Variants in ATG7 observed in about 807,000 individuals in gnomAD.
The protein encoded by ATG7 is autophagy related 7.
A neutral mutation model predicts 82.4 loss-of-function variants in ATG7; 70 were observed. The observed-to-expected ratio is 0.85, with a 90% CI of 0.70 to 1.04. ATG7 has a LOEUF of 1.04. Ranked by LOEUF, ATG7 falls within the 50% of genes least tolerant of loss-of-function variation. The pLI is 0.00. For synonymous variants in ATG7, 287 were observed against 313.0 expected, an observed-to-expected ratio of 0.92 and a Z score of 0.88; for missense variants, 792 against 864.3, an observed-to-expected ratio of 0.92 and a Z score of 1.05.
chr3:11,355,299 T>C (rs952157124), intron 14 of ATG7, among the ~76,000 whole-genome samples: 1 of 152,140 alleles, frequency 6.6e-6, no homozygotes, highest in Non-Finnish European at 1.5e-5. Context: ...CTATAAAGTT[T>C]CGAGGGGAAA....
chr3:11,298,454 C>T (rs528680488), intron 3 of ATG7, among the ~76,000 whole-genome samples: 99 of 152,242 alleles, frequency 6.5e-4, no homozygotes, highest in Non-Finnish European at 1.3e-3. Flanking sequence ...TGTTTCACAA[C>T]GTTGTGATTA....
At chr3:11,464,220 A>G (rs1432987152) in intron 20 of ATG7, among the ~76,000 whole-genome samples, 1 of 152,148 alleles carries the variant, frequency 6.6e-6, no homozygotes, top group East Asian at 1.9e-4. Context: ...AAAAATACAA[A>G]AATTGGCCAG....
chr3:11,456,019 A>G (rs188436853), intron 20 of ATG7, among the ~76,000 whole-genome samples: 98 of 152,242 alleles, frequency 6.4e-4, no homozygotes, highest in African/African-American at 2.2e-3. Flanking sequence ...CACTCTTCAA[A>G]AATATACAGT....
At chr3:11,372,051 C>T (rs1351998068) in intron 18 of ATG7, among the ~76,000 whole-genome samples, 2 of 151,374 alleles carry the variant, frequency 1.3e-5, no homozygotes, top group African/African-American at 2.4e-5. Context: ...TTTTCATTCC[C>T]CACGGTGAGG....
chr3:11,280,311 A>G (rs1175966796), intron 1 of ATG7, among the ~76,000 whole-genome samples: 6 of 152,144 alleles, frequency 3.9e-5, no homozygotes, highest in African/African-American at 1.2e-4. Context: ...AGTGTCTCCT[A>G]TGGGCCAGAT....
intron 20 of ATG7, among the ~76,000 whole-genome samples, chr3:11,480,701 T>C (rs961516913): frequency 1.3e-5 from 2 of 152,208 alleles, no homozygotes; most frequent in African/African-American, 4.8e-5. Context: ...AAAGCTTTGC[T>C]CACAAGGACT....
chr3:11,514,356 T>G (rs1470994659), intron 20 of ATG7, among the ~76,000 whole-genome samples: 1 of 152,226 alleles, frequency 6.6e-6, no homozygotes, highest in African/African-American at 2.4e-5. Context: ...TTGCAATTCA[T>G]TTTCTTGGGA....
intron 19 of ATG7, among the ~76,000 whole-genome samples, chr3:11,395,484 A>AAG (rs1308150679): frequency 6.6e-6 from 1 of 152,224 alleles, no homozygotes; most frequent in Non-Finnish European, 1.5e-5. Context: ...GACATCTTAA[A>AAG]AGCAGTGGGG....
intron 19 of ATG7, among the ~76,000 whole-genome samples, chr3:11,417,513 G>A (rs2152926243): frequency 6.6e-6 from 1 of 152,056 alleles, no homozygotes; most frequent in African/African-American, 2.4e-5. Flanking sequence ...ATTAGTGTTA[G>A]CATGGCGTAT....
intron 20 of ATG7, among the ~76,000 whole-genome samples, chr3:11,535,064 C>G (rs2124997012): frequency 1.3e-5 from 2 of 152,400 alleles, no homozygotes; most frequent in South Asian, 4.1e-4. Flanking sequence ...GGGTCACCTC[C>G]TCAGGAAATC....
intron 20 of ATG7, among the ~76,000 whole-genome samples, chr3:11,548,329 A>G (rs974866366): frequency 5.9e-5 from 9 of 152,138 alleles, no homozygotes; most frequent in African/African-American, 2.2e-4. Flanking sequence ...ATTTTCTCTC[A>G]TTCTGTGGCT....
chr3:11,468,843 A>G (rs2087109195), intron 20 of ATG7, among the ~76,000 whole-genome samples: 1 of 152,222 alleles, frequency 6.6e-6, no homozygotes, highest in Non-Finnish European at 1.5e-5. Context: ...TTTGGTCTAA[A>G]ATAGATTTGG....
Position 11,358,336 on chromosome 3 carries a change from C to A in ATG7, c.1285-82C>A, listed in dbSNP as rs116008561. ...TCATGTATGTGAACACAAGTAAGTG[C>A]AGGCAGCTGTGGGAAGTGTGGGCTC... On this transcript the variant is annotated intron_variant, in intron 14 of 20. Coordinates refer to ENST00000693202, the MANE Select transcript of ATG7 (RefSeq NM_001349232.2). 9.8e-4 allele frequency: 1,357 copies of A among 1,379,620 alleles called. 17 individuals are homozygous for A. The African/African-American group carries it at 0.017, about 17-fold the overall frequency. 85.5% of individuals were successfully genotyped at this position (1,379,620 alleles called of 1,614,324 possible).
At chr3:11,277,921 T>C (rs1345174808) in intron 1 of ATG7, among the ~76,000 whole-genome samples, 1 of 115,448 alleles carries the variant, frequency 8.7e-6, no homozygotes, top group East Asian at 3.1e-4. Context: ...AATGCATTCC[T>C]TTCCCAGGGT....
intron 20 of ATG7, among the ~76,000 whole-genome samples, chr3:11,517,176 A>G (rs1401650897): frequency 2.0e-5 from 3 of 151,910 alleles, no homozygotes; most frequent in African/African-American, 7.3e-5. Flanking sequence ...AAAAGGCAAA[A>G]TTATGGAGGC....
chr3:11,563,063 A>G, the ATG7 span, among the ~76,000 whole-genome samples: 1 of 152,254 alleles, frequency 6.6e-6, no homozygotes, highest in African/African-American at 2.4e-5. Context: ...AACCAACTGC[A>G]AGATTCTCAA....
Position 11,354,327 on chromosome 3 carries a change from A to G in ATG7, c.1285-4091A>G, listed in dbSNP as rs1246085553. Among the ~76,000 whole-genome samples the G allele has an allele frequency of 3.9e-5, 6 of 152,266 alleles. No homozygotes were observed. In the East Asian group the frequency reaches 1.2e-3, roughly 29 times the overall value. On this transcript the variant is annotated intron_variant, in intron 14 of 20. Transcript: ENST00000693202. The stretch of plus-strand genomic sequence containing the variant: ...ATAAGAAAACAACTGATCTTTTATA[A>G]ATCATATAGCTATTTGAGGCAATAA...
chr3:11,540,640 C>CAAAA (rs35654550), intron 20 of ATG7, among the ~76,000 whole-genome samples: 1 of 146,686 alleles, frequency 6.8e-6, no homozygotes. Flanking sequence ...CACCCCATCT[C>CAAAA]AAAAAAAAAA....
At chr3:11,568,976 G>A in the ATG7 span, 1 of 1,160,350 alleles carries the variant, frequency 8.6e-7, no homozygotes, top group Middle Eastern at 3.8e-4. The surrounding 1 kb of genome is among the most constrained non-coding windows in gnomAD (Gnocchi z 5.9). Context: ...GGGAGGGAAA[G>A]AGAGGCCTAC....
Sources: allele counts gnomAD v4.1 joint callset (sites outside exome capture counted in the v4.1 genomes callset), GRCh38; gene constraint gnomAD v4.1.1; non-coding constraint Gnocchi (gnomAD v3.1); transcripts MANE v1.5; gene names NCBI Gene and HGNC (gene_info 2026-07-23, HGNC 2026-07-21).